GALNTL6: variants seen among roughly 807,000 people sequenced by gnomAD.
GALNTL6 encodes the protein polypeptide N-acetylgalactosaminyltransferase-like 6.
In GALNTL6, 46 loss-of-function variants were observed where a neutral mutation model predicts 73.7. The observed-to-expected ratio is 0.62, with a 90% CI of 0.49 to 0.80. The LOEUF (loss-of-function observed/expected upper bound fraction) is 0.80. GALNTL6 is among the 30% of genes least tolerant of loss of function. GALNTL6 has a pLI of 0.00. For missense variants in GALNTL6, 604 were observed against 755.0 expected, an observed-to-expected ratio of 0.80 and a Z score of 2.34; for synonymous variants, 259 against 263.7, an observed-to-expected ratio of 0.98 and a Z score of 0.17.
intron 2 of GALNTL6, among the ~76,000 whole-genome samples, chr4:171,943,019 A>T (rs1014026861): frequency 5.3e-5 from 8 of 152,238 alleles, no homozygotes; most frequent in Non-Finnish European, 1.2e-4. Flanking sequence ...TATTAGTATT[A>T]TAAGTTGTCC....
At chr4:171,883,262 G>A (rs1266924536) in intron 2 of GALNTL6, among the ~76,000 whole-genome samples, 1 of 152,156 alleles carries the variant, frequency 6.6e-6, no homozygotes, top group East Asian at 1.9e-4. Flanking sequence ...TGAGGCAGGA[G>A]AATTGCTTGA....
intron 5 of GALNTL6, among the ~76,000 whole-genome samples, chr4:172,420,807 A>C (rs1731027713): frequency 6.6e-6 from 1 of 152,162 alleles, no homozygotes; most frequent in Non-Finnish European, 1.5e-5. Flanking sequence ...AATGTGGCAC[A>C]TATACATCAT....
At chr4:172,711,398 G>A (rs1734695128) in intron 5 of GALNTL6, among the ~76,000 whole-genome samples, 1 of 152,086 alleles carries the variant, frequency 6.6e-6, no homozygotes, top group Non-Finnish European at 1.5e-5. Context: ...CCCTTTGAAA[G>A]GAATTGTCCT....
chr4:171,910,591 T>C (rs535495292), intron 2 of GALNTL6, among the ~76,000 whole-genome samples: 119 of 152,198 alleles, frequency 7.8e-4, no homozygotes, highest in African/African-American at 2.7e-3. Context: ...AATCAGTTTA[T>C]GTTACAGTGG....
intron 11 of GALNTL6, among the ~76,000 whole-genome samples, chr4:173,015,495 C>A (rs1190106146): frequency 6.6e-6 from 1 of 152,174 alleles, no homozygotes. Context: ...ATGATAAGGA[C>A]AATGAAGTCC....
At chr4:172,240,370 C>T (rs373198702) in intron 3 of GALNTL6, among the ~76,000 whole-genome samples, 2 of 151,754 alleles carry the variant, frequency 1.3e-5, no homozygotes, top group Non-Finnish European at 2.9e-5. Context: ...ACTACAGGCA[C>T]TCACCATCAT....
intron 2 of GALNTL6, among the ~76,000 whole-genome samples, chr4:171,868,492 T>C (rs1227033993): frequency 6.6e-6 from 1 of 152,144 alleles, no homozygotes; most frequent in Non-Finnish European, 1.5e-5. Flanking sequence ...CTGAAATAAG[T>C]GGCTCTGGAG....
chr4:172,513,595 T>C (rs1442712397), intron 5 of GALNTL6, among the ~76,000 whole-genome samples: 2 of 152,190 alleles, frequency 1.3e-5, no homozygotes, highest in African/African-American at 4.8e-5. Context: ...TCAGATTCTT[T>C]TGTCCCACAG....
chr4:172,488,839 T>A (rs1327556868), intron 5 of GALNTL6, among the ~76,000 whole-genome samples: 1 of 82,824 alleles, frequency 1.2e-5, no homozygotes, highest in Non-Finnish European at 2.5e-5. Flanking sequence ...AGTCCTGGGG[T>A]GGGGGTGGGG....
intron 2 of GALNTL6, among the ~76,000 whole-genome samples, chr4:172,215,992 C>A (rs1173051755): frequency 6.6e-6 from 1 of 152,110 alleles, no homozygotes; most frequent in Non-Finnish European, 1.5e-5. Flanking sequence ...TGGAACATTG[C>A]TGCCATTCAT....
chr4:172,206,857 G>A (rs575257392), intron 2 of GALNTL6, among the ~76,000 whole-genome samples: 3 of 116,508 alleles, frequency 2.6e-5, no homozygotes, highest in South Asian at 5.9e-4. Context: ...TCACTCTGTC[G>A]CCCAGGCTGG....
intron 2 of GALNTL6, among the ~76,000 whole-genome samples, chr4:172,203,965 C>T (rs774434890): frequency 7.9e-5 from 12 of 152,146 alleles, no homozygotes; most frequent in East Asian, 1.9e-4. Flanking sequence ...AGGCAGGTCT[C>T]GAACTAACGA....
At chr4:172,388,313 T>C (rs961644088) in intron 5 of GALNTL6, among the ~76,000 whole-genome samples, 3 of 152,158 alleles carry the variant, frequency 2.0e-5, no homozygotes, top group Non-Finnish European at 4.4e-5. Context: ...CATTGGTCAA[T>C]TTAAAATCAT....
intron 5 of GALNTL6, among the ~76,000 whole-genome samples, chr4:172,541,472 T>C (rs772626050): frequency 2.0e-5 from 3 of 152,116 alleles, no homozygotes; most frequent in Non-Finnish European, 1.5e-5. Flanking sequence ...AGAATTCAAC[T>C]AGGGCATAAG....
chr4:172,004,093 A>C (rs1740756543), intron 2 of GALNTL6, among the ~76,000 whole-genome samples: 1 of 152,164 alleles, frequency 6.6e-6, no homozygotes, highest in East Asian at 1.9e-4. Flanking sequence ...TAATATTCAT[A>C]AGTGGACAAC....
At chr4:172,262,743 A>G (rs1560995377) in intron 3 of GALNTL6, among the ~76,000 whole-genome samples, 1 of 151,456 alleles carries the variant, frequency 6.6e-6, no homozygotes, top group Non-Finnish European at 1.5e-5. Flanking sequence ...AGGAGGTTCT[A>G]TTTTGATCTA....
chr4:172,278,209 T>C (rs1738902727), intron 3 of GALNTL6, among the ~76,000 whole-genome samples: 1 of 152,194 alleles, frequency 6.6e-6, no homozygotes, highest in African/African-American at 2.4e-5. Flanking sequence ...ATTGTACTTA[T>C]TTAAGTTTTT....
chr4:172,875,882 C>T (rs1745170324), intron 7 of GALNTL6, among the ~76,000 whole-genome samples: 1 of 152,130 alleles, frequency 6.6e-6, no homozygotes, highest in South Asian at 2.1e-4. Context: ...ATCCATTTAC[C>T]TCCTGTACCC....
chr4:172,818,297 A>G (rs942397381), intron 7 of GALNTL6, among the ~76,000 whole-genome samples: 54 of 152,246 alleles, frequency 3.5e-4, no homozygotes, highest in African/African-American at 1.2e-3. Flanking sequence ...TTTGCTAAAT[A>G]GAAATAATCG....
Sources: allele counts gnomAD v4.1 joint callset (sites outside exome capture counted in the v4.1 genomes callset), GRCh38; gene constraint gnomAD v4.1.1; transcripts MANE v1.5; gene names NCBI Gene and HGNC (gene_info 2026-07-23, HGNC 2026-07-21).